The following DLEC1 variants were observed in gnomAD, a reference collection of about 807,000 sequenced individuals.
DLEC1 encodes DLEC1 cilia and flagella associated protein.
Under a neutral mutation model 198.1 loss-of-function variants are expected in DLEC1, and 146 were observed. The observed-to-expected ratio is 0.74, with a 90% confidence interval of 0.64 to 0.85. The LOEUF (loss-of-function observed/expected upper bound fraction) is 0.85, where lower values mean the gene tolerates loss of function less well. DLEC1 is among the 40% of genes least tolerant of loss of function. DLEC1 has a pLI of 0.00. For missense variants in DLEC1, 2,233 were observed against 2,220.0 expected (o/e 1.01, Z -0.12); for synonymous variants, 897 against 866.8 (o/e 1.03, Z -0.61).
At chr3:38,081,851 C>G (rs1698033505) in intron 6 of DLEC1, among the ~76,000 whole-genome samples, 4 of 144,814 alleles carry the variant, frequency 2.8e-5, no homozygotes, top group African/African-American at 7.7e-5. Flanking sequence ...GGCTGACCCC[C>G]CCACCTCCCT....
intron 2 of DLEC1, among the ~76,000 whole-genome samples, chr3:38,057,066 C>G (rs972870638): frequency 1.3e-5 from 2 of 152,164 alleles, no homozygotes; most frequent in African/African-American, 4.8e-5. Context: ...TATGTACAGA[C>G]AAGAAAATGT....
At chr3:38,118,378 C>T (rs1354832050) in intron 33 of DLEC1, among the ~76,000 whole-genome samples, 1 of 152,216 alleles carries the variant, frequency 6.6e-6, no homozygotes, top group Non-Finnish European at 1.5e-5. Context: ...CACACACAGA[C>T]TCCGTCCTCC....
intron 6 of DLEC1, among the ~76,000 whole-genome samples, chr3:38,079,691 G>A (rs1038702513): frequency 4.6e-5 from 7 of 152,164 alleles, no homozygotes; most frequent in African/African-American, 7.2e-5. Context: ...GAGAAATCCC[G>A]GGTTGCAGGC....
chr3:38,117,564 TTCCAGTGCCAG>T lies in DLEC1; in HGVS notation c.4439_4449del (p.Phe1480CysfsTer3). 6.2e-7 allele frequency: 1 copy of T among 1,614,094 alleles called. No homozygotes were observed. Among genetic ancestry groups the T allele is most frequent in the South Asian group, 1.1e-5 (1 of 91,088 alleles). ...GCTGGACTACGGCGGCAGTATGGAA[TTCCAGTGCCAG>T]GCCAGTGACCTCATTCCCGAGCAGC... On this transcript the variant is annotated frameshift_variant, in exon 32 of 37. Coordinates refer to ENST00000308059, the MANE Select transcript of DLEC1 (RefSeq NM_007335.4). LOFTEE classifies it high-confidence loss of function.
chr3:38,122,413 G>C lies in DLEC1; in HGVS notation c.*1G>C, dbSNP rs912854444. On this transcript the variant is annotated 3_prime_UTR_variant, in exon 37 of 37. Coordinates refer to ENST00000308059, the MANE Select transcript of DLEC1 (RefSeq NM_007335.4). The stretch of plus-strand genomic sequence containing the variant: ...ATACATGTTGCCTCACCAGCCCTGA[G>C]GCTCCGCCCCAGCCCTCAGCCCCAG... 2 of 1,613,988 alleles carry C rather than the reference G, an allele frequency of 1.2e-6. No individual in the cohort carries two copies. Among genetic ancestry groups the C allele is most frequent in the African/African-American group, 2.7e-5 (2 of 74,882 alleles).
At chr3:38,067,752 CTT>C (rs34213412) in intron 6 of DLEC1, among the ~76,000 whole-genome samples, 7 of 123,694 alleles carry the variant, frequency 5.7e-5, no homozygotes, top group Non-Finnish European at 6.6e-5. Context: ...AGTATCTGCA[CTT>C]TTTTTTTTTT....
rs773163930 is a variant in DLEC1 at position 38,084,198 on chromosome 3, A to G, written c.1214A>G (p.Tyr405Cys). 4.3e-6 allele frequency: 7 copies of G among 1,613,058 alleles called. No individual in the cohort carries two copies. The highest frequency in any genetic ancestry group is 1.3e-5 in the African/African-American group (1 of 74,704). The change falls in exon 7 of 37, where the codon TAC (tyrosine) becomes TGC (cysteine). Residue 405 changes from tyrosine to cysteine, a missense_variant. Tyr to Cys is a radical substitution (Grantham distance 194). Coordinates refer to ENST00000308059, the MANE Select transcript of DLEC1 (RefSeq NM_007335.4). ...ALQNTTTTSR[Y>C]LRVLPPSTPY... ...CAGAACACCACCACGACCAGCCGCT[A>G]CCTGCGAGTCCTCCCGCCTTCCACG...
intron 26 of DLEC1, 105 bp from the exon 27 acceptor site, chr3:38,114,878 A>G: frequency 1.0e-6 from 1 of 965,646 alleles, no homozygotes; most frequent in Admixed American, 2.0e-5. Flanking sequence ...AGGCCAGACC[A>G]CTGTGGTATT....
chr3:38,087,226 C>G (rs1240749739), intron 9 of DLEC1, among the ~76,000 whole-genome samples: 1 of 152,194 alleles, frequency 6.6e-6, no homozygotes, highest in Non-Finnish European at 1.5e-5. Context: ...GAGTGCCCAG[C>G]TCCACCAGTC....
chr3:38,064,007 C>CTTTTTTTTT (rs71094947), intron 6 of DLEC1, 88 bp downstream of exon 6: 9 of 451,090 alleles, frequency 2.0e-5, no homozygotes, highest in African/African-American at 6.3e-5. Flanking sequence ...TTTTTTTTTT[C>CTTTTTTTTT]TTTTTTTTTT....
chr3:38,048,872 C>A (rs1173537478), intron 2 of DLEC1, among the ~76,000 whole-genome samples: 1 of 152,166 alleles, frequency 6.6e-6, no homozygotes, highest in African/African-American at 2.4e-5. Flanking sequence ...GTTTCCCCCT[C>A]CACCACAGCA....
Position 38,112,290 on chromosome 3 carries a change from C to T in DLEC1, c.3595C>T (p.Gln1199Ter). The T allele has an allele frequency of 1.2e-6, 2 of 1,614,184 alleles. No individual in the cohort carries two copies. The highest frequency in any genetic ancestry group is 1.3e-5 in the African/African-American group (1 of 75,042). Residue 1199 changes from glutamine to a stop codon, truncating the protein, a stop_gained, in exon 25 of 37, where the codon CAG (glutamine) becomes TAG (stop). Coordinates refer to ENST00000308059, the MANE Select transcript of DLEC1 (RefSeq NM_007335.4). LOFTEE classifies it high-confidence loss of function. The surrounding 1 kb of genome is among the most constrained non-coding windows in gnomAD (Gnocchi z 4.8). The part of the protein sequence containing the change: ...HFSQGMLGPY[Q>*]QLCIDITGCA... ...TTCCCAGGGCATGCTGGGGCCCTAC[C>T]AGCAGCTGTGCATTGACATCACAGG...
intron 2 of DLEC1, chr3:38,052,077 G>C (rs1173935959): frequency 1.1e-5 from 3 of 278,684 alleles, no homozygotes; most frequent in Admixed American, 3.9e-5. Context: ...GTCTACAGTA[G>C]TAGCAAAGGA....
intron 11 of DLEC1, among the ~76,000 whole-genome samples, 167 bp downstream of exon 11, chr3:38,093,047 T>C (rs979990270): frequency 3.9e-5 from 6 of 152,216 alleles, no homozygotes; most frequent in Non-Finnish European, 7.4e-5. Context: ...TTCAGGCCCA[T>C]TGCTCTGGTC....
intron 6 of DLEC1, among the ~76,000 whole-genome samples, chr3:38,074,380 G>C (rs1697489940): frequency 6.6e-6 from 1 of 152,220 alleles, no homozygotes; most frequent in Non-Finnish European, 1.5e-5. Context: ...GTCAGGAGTG[G>C]ATTGGGTGAT....
Position 38,117,066 on chromosome 3 carries a change from G to A in DLEC1, c.4271G>A (p.Gly1424Asp), listed in dbSNP as rs1288970318. 6.2e-7 allele frequency: 1 copy of A among 1,613,988 alleles called. No individual in the cohort carries two copies. The highest frequency in any genetic ancestry group is 2.2e-5 in the East Asian group (1 of 44,892). ...ATCCTGCACAAGGTGGAGTGTACTG[G>A]CTACGCCCTGGGTTTCATGAGCTTG... is the stretch of plus-strand genomic sequence containing the variant. ...PEILHKVECT[G>D]YALGFMSLDS... The change falls in exon 30 of 37, where the codon GGC (glycine) becomes GAC (aspartate). Residue 1424 changes from glycine (G) to aspartate (D), a missense_variant. Coordinates refer to ENST00000308059, the MANE Select transcript of DLEC1 (RefSeq NM_007335.4).
rs527542217 is a variant in DLEC1, at chr3:38,072,438, G to C, written c.1173+8519G>C. On this transcript the variant is annotated intron_variant, in intron 6 of 36. Transcript: ENST00000308059. ...AAGTTGTTTGGACAAAAAGGCTACAGGACGCGATCCTGGTCCTTGTGTAAG... is the reference window on the plus strand; with the variant it reads ...AAGTTGTTTGGACAAAAAGGCTACACGACGCGATCCTGGTCCTTGTGTAAG... 3.9e-5 allele frequency among the ~76,000 whole-genome samples: 6 copies of C among 152,308 alleles called. No individual in the cohort carries two copies. In the South Asian group the frequency reaches 1.0e-3, roughly 26 times the overall value.
Position 38,100,322 on chromosome 3 carries a change from C to A in DLEC1, c.2761C>A (p.Leu921Ile). The A allele has an allele frequency of 6.2e-7, 1 of 1,613,600 alleles. No individual in the cohort carries two copies. Among genetic ancestry groups the A allele is most frequent in the Non-Finnish European group, 8.5e-7 (1 of 1,179,860 alleles). Reference protein sequence around the residue: ...PFDIEPSSGQLHSLGECRVDI... With the variant: ...PFDIEPSSGQIHSLGECRVDI... ...CGACATTGAGCCTTCGAGTGGCCAGCTTCACTCTCTGGGGGAGTGCAGGGT... is the reference window on the plus strand; with the variant it reads ...CGACATTGAGCCTTCGAGTGGCCAGATTCACTCTCTGGGGGAGTGCAGGGT... Residue 921 changes from leucine to isoleucine, a missense_variant, in exon 19 of 37, where the codon CTT (leucine) becomes ATT (isoleucine). Leu to Ile is a conservative substitution (Grantham distance 5). Coordinates refer to ENST00000308059, the MANE Select transcript of DLEC1 (RefSeq NM_007335.4).
chr3:38,114,389 G>T lies in DLEC1; in HGVS notation c.3714G>T (p.Val1238=). 1 of 1,614,190 alleles carries T rather than the reference G, an allele frequency of 6.2e-7. No individual in the cohort carries two copies. The highest frequency in any genetic ancestry group is 8.5e-7 in the Non-Finnish European group (1 of 1,180,018). Residue 1238 remains valine (V), a synonymous_variant, in exon 26 of 37, where the codon GTG becomes GTT. Transcript: ENST00000308059. The part of the protein sequence containing the change: ...PEVIPVHMAA[V]GCPISSLRTT... ...TCATCCCAGTGCACATGGCAGCGGT[G>T]GGCTGCCCCATCAGCTCCCTGAGGA...
Sources: allele counts gnomAD v4.1 joint callset (sites outside exome capture counted in the v4.1 genomes callset), GRCh38; gene constraint gnomAD v4.1.1; non-coding constraint Gnocchi (gnomAD v3.1); transcripts MANE v1.5; gene names NCBI Gene and HGNC (gene_info 2026-07-23, HGNC 2026-07-21).